The following TFF1 variants were observed in gnomAD, a reference collection of about 807,000 sequenced individuals.
TFF1 encodes trefoil factor 1.
A neutral mutation model predicts 7.7 loss-of-function variants in TFF1; 8 were observed. The ratio of observed to expected loss-of-function variants is 1.04; its 90% CI spans 0.61 to 1.87. TFF1 has a LOEUF of 1.87. Among genes scored for constraint, TFF1 ranks in the 40% most tolerant of loss-of-function variants. The pLI, the probability that TFF1 is intolerant of heterozygous loss-of-function variation, is 0.00. For synonymous variants in TFF1, 47 were observed against 44.8 expected, an observed-to-expected ratio of 1.05 and a Z score of -0.19; for missense variants, 120 against 113.4, an observed-to-expected ratio of 1.06 and a Z score of -0.26.
rs769853784 is a variant in TFF1, at chr21:42,363,371, C to T, written c.122G>A (p.Cys41Tyr). The change falls in exon 2 of 3, where the codon TGT becomes TAT. Residue 41 changes from cysteine (C) to tyrosine (Y), a missense_variant. Transcript: ENST00000291527. ...CTVAPRERQN[C>Y]GFPGVTPSQC... ...GGAGGGCGTGACACCAGGAAAACCA[C>T]AATTCTGTCTTTCACGGGGGGCCAC... is the stretch of plus-strand genomic sequence containing the variant. 6.2e-7 allele frequency: 1 copy of T among 1,614,156 alleles called. No individual in the cohort carries two copies. The highest frequency in any genetic ancestry group is 8.5e-7 in the Non-Finnish European group (1 of 1,180,046).
intron 1 of TFF1, among the ~76,000 whole-genome samples, chr21:42,364,943 G>T (rs1443299472): frequency 2.0e-5 from 3 of 152,138 alleles, no homozygotes; most frequent in Non-Finnish European, 4.4e-5. Context: ...GGTCAAGAGA[G>T]GCCCCGTGGT....
chr21:42,363,120 C>T, intron 2 of TFF1, 135 bp downstream of exon 2: 1 of 1,139,602 alleles, frequency 8.8e-7, no homozygotes, highest in Non-Finnish European at 1.3e-6. Context: ...TCAGGCTACC[C>T]CATTGCACCA....
In TFF1 at chr21:42,362,641, C is replaced by T. The variant is rs1295904845; in HGVS notation, c.239-146G>A. 3.1e-6 allele frequency: 3 copies of T among 983,068 alleles called. No individual in the cohort carries two copies. In the African/African-American group the frequency reaches 5.1e-5, roughly 17 times the overall value. The allele number at this position is 983,068 out of a possible 1,614,324, so 60.9% of individuals were successfully genotyped here. A position where few individuals can be genotyped will look rare whatever the true frequency, so the allele number is the denominator to read the frequency against. On this transcript the variant is annotated intron_variant, in intron 2 of 2. Coordinates refer to ENST00000291527, the MANE Select transcript of TFF1 (RefSeq NM_003225.3). Reference sequence around the variant, plus strand: ...ATGAACTGTCAGCCGGGCACGGTGGCTCACGCCTGTAATCCCAGCTCTCTG... The same window carrying T: ...ATGAACTGTCAGCCGGGCACGGTGGTTCACGCCTGTAATCCCAGCTCTCTG...
At chr21:42,363,069 T>C (rs147885974) in intron 2 of TFF1, among the ~76,000 whole-genome samples, 186 bp downstream of exon 2, 1 of 152,228 alleles carries the variant, frequency 6.6e-6, no homozygotes, top group East Asian at 1.9e-4. Context: ...CCAAGTCCCT[T>C]AGCCCTGCCT....
At chr21:42,363,767 T>C (rs2146405507) in intron 1 of TFF1, among the ~76,000 whole-genome samples, 1 of 152,358 alleles carries the variant, frequency 6.6e-6, no homozygotes, top group East Asian at 1.9e-4. Flanking sequence ...CCAGGCACTG[T>C]GCCAGGTGAG....
Position 42,362,471 on chromosome 21 carries a change from A to G in TFF1, c.*8T>C. 1.3e-6 allele frequency: 2 copies of G among 1,585,082 alleles called. No homozygotes were observed. Among genetic ancestry groups the G allele is most frequent in the Non-Finnish European group, 1.7e-6 (2 of 1,165,798 alleles). On this transcript the variant is annotated 3_prime_UTR_variant, in exon 3 of 3. Transcript: ENST00000291527. The stretch of plus-strand genomic sequence containing the variant: ...CGTCAGGATGCAGGCAGATCCCTGC[A>G]GAAGTGTCTAAAATTCACACTCCTC...
chr21:42,365,631 C>G (rs192163963), intron 1 of TFF1, among the ~76,000 whole-genome samples: 1 of 152,160 alleles, frequency 6.6e-6, no homozygotes, highest in Non-Finnish European at 1.5e-5. Context: ...TACCTAATAA[C>G]GGCAAATAAG....
At chr21:42,363,158 G>A (rs1194601106) in intron 2 of TFF1, 97 bp downstream of exon 2, 1 of 1,525,536 alleles carries the variant, frequency 6.6e-7, no homozygotes, top group African/African-American at 1.4e-5. Flanking sequence ...TCTGTGTAAA[G>A]GCATAGCTGG....
At chr21:42,363,819 T>A (rs2052258738) in intron 1 of TFF1, among the ~76,000 whole-genome samples, 1 of 151,958 alleles carries the variant, frequency 6.6e-6, no homozygotes, top group African/African-American at 2.4e-5. Context: ...TTAATAAGAG[T>A]CTAAATATCT....
chr21:42,363,453 C>T, intron 1 of TFF1, 46 bp from the exon 2 acceptor site: 1 of 1,589,464 alleles, frequency 6.3e-7, no homozygotes. Flanking sequence ...GGGCTGAATT[C>T]CTTGATGTTA....
intron 1 of TFF1, among the ~76,000 whole-genome samples, chr21:42,364,226 C>T (rs967349313): frequency 3.9e-5 from 6 of 152,232 alleles, no homozygotes; most frequent in East Asian, 1.9e-4. Flanking sequence ...GGGCACTCCC[C>T]GGAGAGGCCA....
At chr21:42,365,373 G>A (rs2052271402) in intron 1 of TFF1, among the ~76,000 whole-genome samples, 1 of 152,090 alleles carries the variant, frequency 6.6e-6, no homozygotes, top group Admixed American at 6.5e-5. Context: ...TCCTCTCTCG[G>A]GTTCCAAAGC....
rs2052280998 is a variant in TFF1, at chr21:42,366,512, C to T, written c.-17G>A. ...GGTGGCCATTGCCTCCTCTCTGCTC[C>T]AAAGGCGACCCCGAGTCAGGGATGA... is the stretch of plus-strand genomic sequence containing the variant. On this transcript the variant is annotated 5_prime_UTR_variant, in exon 1 of 3. Transcript: ENST00000291527. 3 of 1,601,888 alleles carry T rather than the reference C, an allele frequency of 1.9e-6. No homozygotes were observed. The highest frequency in any genetic ancestry group is 2.2e-5 in the South Asian group (2 of 90,086).
At position 42,362,414 on chromosome 21, in the gene TFF1, T is replaced by C. The variant is rs995045175; in HGVS notation, c.*65A>G. Reference sequence around the variant, plus strand: ...TCCGGTGGAGGTGGCAGCCGAGCTCTGGGACTAATCACCGTGCTGGGGACG... The same window carrying C: ...TCCGGTGGAGGTGGCAGCCGAGCTCCGGGACTAATCACCGTGCTGGGGACG... On this transcript the variant is annotated 3_prime_UTR_variant, in exon 3 of 3. Coordinates refer to ENST00000291527, the MANE Select transcript of TFF1 (RefSeq NM_003225.3). The C allele has an allele frequency of 1.3e-6, 2 of 1,548,490 alleles. No individual in the cohort carries two copies. Among genetic ancestry groups the C allele is most frequent in the African/African-American group, 2.7e-5 (2 of 72,832 alleles).
At chr21:42,364,634 G>T (rs1419486060) in intron 1 of TFF1, among the ~76,000 whole-genome samples, 3 of 152,236 alleles carry the variant, frequency 2.0e-5, no homozygotes, top group Non-Finnish European at 4.4e-5. Flanking sequence ...TGAAAGAGGA[G>T]CCCAGAGCAC....
intron 1 of TFF1, among the ~76,000 whole-genome samples, chr21:42,365,662 G>A (rs1369337895): frequency 6.6e-6 from 1 of 152,312 alleles, no homozygotes; most frequent in East Asian, 1.9e-4. Flanking sequence ...CCCCACAGCT[G>A]GCAAAGTGCA....
At chr21:42,364,162 T>G (rs998752524) in intron 1 of TFF1, among the ~76,000 whole-genome samples, 1 of 150,706 alleles carries the variant, frequency 6.6e-6, no homozygotes, top group Non-Finnish European at 1.5e-5. Flanking sequence ...CAAGAACATG[T>G]GCGAGACAAC....
chr21:42,365,584 G>T (rs78571814), intron 1 of TFF1, among the ~76,000 whole-genome samples: 3 of 152,086 alleles, frequency 2.0e-5, no homozygotes, highest in Non-Finnish European at 2.9e-5. Context: ...CTTTGGAAAC[G>T]TAGAAAGCCC....
In TFF1 at chr21:42,362,512, G is replaced by A; in HGVS notation, c.239-17C>T. The A allele has an allele frequency of 6.4e-7, 1 of 1,573,796 alleles. No homozygotes were observed. The highest frequency in any genetic ancestry group is 8.6e-7 in the Non-Finnish European group (1 of 1,161,098). ...CACACTCCTCTACAGGGGTGAGGGGGAGGGAGAAAGAGATGCTTTAGTGAG... is the reference window on the plus strand; with the variant it reads ...CACACTCCTCTACAGGGGTGAGGGGAAGGGAGAAAGAGATGCTTTAGTGAG... On this transcript the variant is annotated splice_polypyrimidine_tract_variant and intron_variant, in intron 2 of 2. Transcript: ENST00000291527.
Sources: gnomAD v4.1 joint callset for allele counts (sites outside exome capture counted in the v4.1 genomes callset) on GRCh38, gnomAD v4.1.1 for gene constraint, MANE v1.5 for transcripts, NCBI Gene and HGNC (gene_info 2026-07-23, HGNC 2026-07-21) for gene names.